Variants in AOX1 observed in about 807,000 individuals in gnomAD.
The protein encoded by AOX1 is aldehyde oxidase 1.
Under a neutral mutation model 169.5 loss-of-function variants are expected in AOX1, and 153 were observed. The observed-to-expected ratio is 0.90, with a 90% CI of 0.79 to 1.03. AOX1 has a LOEUF of 1.03. AOX1 is among the 50% of genes least tolerant of loss of function. The pLI is 0.00. For synonymous variants in AOX1, 562 were observed against 581.9 expected (o/e 0.97, Z 0.49); for missense variants, 1,656 against 1,663.9 (o/e 1.00, Z 0.08).
chr2:200,614,670 A>G (rs958934672), intron 15 of AOX1, among the ~76,000 whole-genome samples: 2 of 152,164 alleles, frequency 1.3e-5, no homozygotes, highest in Non-Finnish European at 2.9e-5. Context: ...GCTGACCAAA[A>G]CAGACTGGAA....
chr2:200,668,470 C>T (rs890215687), intron 32 of AOX1, 145 bp from the exon 33 acceptor site: 3 of 721,802 alleles, frequency 4.2e-6, no homozygotes, highest in Non-Finnish European at 6.6e-6. Context: ...TTTAGATAAA[C>T]TTTCAGCAAC....
chr2:200,603,983 G>A (rs531568101), intron 7 of AOX1, 34 bp from the exon 8 acceptor site: 14 of 1,412,784 alleles, frequency 9.9e-6, no homozygotes, highest in East Asian at 2.3e-5. Context: ...AAAGTTGCTC[G>A]ATAACAGTAA....
chr2:200,659,115 G>T, intron 27 of AOX1, 50 bp from the exon 28 acceptor site: 1 of 1,597,706 alleles, frequency 6.3e-7, no homozygotes, highest in South Asian at 1.1e-5. Context: ...ATGTGCACAG[G>T]TCTGTGACTA....
At chr2:200,586,593 T>TGGAAGCGCAGAGA (rs1448228578) in intron 1 of AOX1, among the ~76,000 whole-genome samples, 2 of 152,182 alleles carry the variant, frequency 1.3e-5, no homozygotes, top group Non-Finnish European at 2.9e-5. Context: ...GGGGTGCGTT[T>TGGAAGCGCAGAGA]GGAAGCGCAG....
At chr2:200,614,563 T>C (rs555122690) in intron 15 of AOX1, among the ~76,000 whole-genome samples, 1 of 152,286 alleles carries the variant, frequency 6.6e-6, no homozygotes, top group East Asian at 1.9e-4. Context: ...GATTCTTGGC[T>C]GGGGAGGACA....
chr2:200,624,057 G>C (rs1421179686), intron 19 of AOX1, 74 bp downstream of exon 19: 2 of 1,587,998 alleles, frequency 1.3e-6, no homozygotes, highest in African/African-American at 2.7e-5. Flanking sequence ...TTTGGCTACT[G>C]TAACAGGAAA....
At chr2:200,603,172 A>T (rs1443430899) in intron 6 of AOX1, 95 bp from the exon 7 acceptor site, 1 of 943,328 alleles carries the variant, frequency 1.1e-6, no homozygotes, top group East Asian at 2.5e-5. Context: ...AACGATATTG[A>T]TTCAGCATTA....
At position 200,642,788 on chromosome 2, in the gene AOX1, T is replaced by C. The variant is rs1300941188; in HGVS notation, c.2834T>C (p.Leu945Pro). Residue 945 changes from leucine (L) to proline (P), a missense_variant, in exon 25 of 35, where the codon CTA (leucine) becomes CCA (proline). Transcript: ENST00000374700. Reference protein sequence around the residue: ...CITEVAAKCGLSPEKVRIINM... With the variant: ...CITEVAAKCGPSPEKVRIINM... The stretch of plus-strand genomic sequence containing the variant: ...ACGGAAGTTGCAGCCAAATGTGGAC[T>C]ATCCCCTGAGAAGGTAATACTAAAT... 3 of 1,613,490 alleles carry C rather than the reference T, an allele frequency of 1.9e-6. No individual in the cohort carries two copies. Among genetic ancestry groups the C allele is most frequent in the Admixed American group, 3.3e-5 (2 of 59,920 alleles).
At chr2:200,668,567 G>A (rs1292529165) in intron 32 of AOX1, 48 bp from the exon 33 acceptor site, 1 of 1,518,570 alleles carries the variant, frequency 6.6e-7, no homozygotes, top group Non-Finnish European at 9.0e-7. Flanking sequence ...ACTTAGTGTT[G>A]ACTGTGTTTT....
chr2:200,616,107 T>C, intron 16 of AOX1, 44 bp downstream of exon 16: 1 of 1,417,724 alleles, frequency 7.1e-7, no homozygotes, highest in Non-Finnish European at 1.0e-6. Context: ...ATCTGGGCTA[T>C]AGTGATTTGA....
At chr2:200,619,929 T>C (rs966822968) in intron 16 of AOX1, among the ~76,000 whole-genome samples, 1 of 152,224 alleles carries the variant, frequency 6.6e-6, no homozygotes, top group African/African-American at 2.4e-5. Flanking sequence ...CTGTAAAATA[T>C]TATATGTATC....
At chr2:200,648,444 T>A (rs999788083) in intron 25 of AOX1, among the ~76,000 whole-genome samples, 3 of 152,154 alleles carry the variant, frequency 2.0e-5, no homozygotes, top group Non-Finnish European at 4.4e-5. Flanking sequence ...ATGTGAACCG[T>A]CTATGGGTCT....
chr2:200,622,493 T>A (rs1381511667), intron 18 of AOX1, among the ~76,000 whole-genome samples: 2 of 152,228 alleles, frequency 1.3e-5, no homozygotes, highest in Non-Finnish European at 2.9e-5. Context: ...TGGAAGATAC[T>A]CCCTTGAAGA....
chr2:200,610,924 G>A (rs2034624082), intron 12 of AOX1, among the ~76,000 whole-genome samples: 1 of 152,140 alleles, frequency 6.6e-6, no homozygotes. Context: ...CATGATCTCA[G>A]CTCACTGCAA....
chr2:200,669,401 G>A (rs1431473146), intron 33 of AOX1, among the ~76,000 whole-genome samples, 174 bp from the exon 34 acceptor site: 1 of 151,408 alleles, frequency 6.6e-6, no homozygotes, highest in Admixed American at 6.6e-5. Flanking sequence ...CTGAGATTGT[G>A]TCACTACACT....
chr2:200,620,198 ACTT>A (rs2034852959), intron 16 of AOX1, among the ~76,000 whole-genome samples: 1 of 120,908 alleles, frequency 8.3e-6, no homozygotes, highest in Admixed American at 9.4e-5. Context: ...ATTAATAGTG[ACTT>A]TTTTTTTTTT....
intron 8 of AOX1, 116 bp from the exon 9 acceptor site, chr2:200,604,580 T>G: frequency 8.6e-7 from 1 of 1,159,378 alleles, no homozygotes; most frequent in Non-Finnish European, 1.2e-6. Context: ...ACTTTGTACT[T>G]TATTTTTTAG....
chr2:200,647,372 C>G (rs1398276094), intron 25 of AOX1, among the ~76,000 whole-genome samples: 1 of 152,130 alleles, frequency 6.6e-6, no homozygotes, highest in Non-Finnish European at 1.5e-5. Flanking sequence ...ATACAAAATT[C>G]TTGGCTGATA....
intron 25 of AOX1, among the ~76,000 whole-genome samples, chr2:200,646,784 T>C (rs2035461744): frequency 6.6e-6 from 1 of 152,170 alleles, no homozygotes; most frequent in African/African-American, 2.4e-5. Context: ...TTTCCAGTTG[T>C]ACAAGGCCTT....
Sources: allele counts gnomAD v4.1 joint callset (sites outside exome capture counted in the v4.1 genomes callset), GRCh38; gene constraint gnomAD v4.1.1; transcripts MANE v1.5; gene names NCBI Gene and HGNC (gene_info 2026-07-23, HGNC 2026-07-21).